PRCC: variants seen among roughly 807,000 people sequenced by gnomAD.
PRCC encodes the protein proline rich mitotic checkpoint control factor.
A neutral mutation model predicts 44.0 loss-of-function variants in PRCC; 10 were observed. The observed-to-expected ratio is 0.23, with a 90% CI of 0.14 to 0.39. The LOEUF (loss-of-function observed/expected upper bound fraction) is 0.39, where lower values mean the gene tolerates loss of function less well. Among genes scored for constraint, PRCC ranks in the 10% least tolerant of loss-of-function variants. PRCC has a pLI of 1.00. For missense variants in PRCC, 573 were observed against 624.7 expected, an observed-to-expected ratio of 0.92 and a Z score of 0.88; for synonymous variants, 278 against 259.5, an observed-to-expected ratio of 1.07 and a Z score of -0.69.
intron 3 of PRCC, chr1:156,790,992 G>A (rs1176056101): frequency 3.8e-6 from 3 of 784,988 alleles, no homozygotes; most frequent in South Asian, 1.4e-5. Flanking sequence ...GGAGGAAACA[G>A]TTTATTGGCC....
At chr1:156,779,339 T>A (rs11264548) in intron 1 of PRCC, among the ~76,000 whole-genome samples, 95,876 of 149,280 alleles carry the variant, frequency 0.64, 31,296 homozygotes, top group East Asian at 0.83. Context: ...ATTTAAAAAA[T>A]TTTAAAATTT....
intron 4 of PRCC, among the ~76,000 whole-genome samples, chr1:156,792,217 C>G (rs1047852175): frequency 6.6e-6 from 1 of 151,762 alleles, no homozygotes; most frequent in Non-Finnish European, 1.5e-5. Context: ...TCTTTCTGAT[C>G]ATCGCTTTGC....
chr1:156,789,040 G>A (rs563728974), intron 3 of PRCC, among the ~76,000 whole-genome samples: 2 of 151,960 alleles, frequency 1.3e-5, no homozygotes, highest in South Asian at 4.2e-4. Flanking sequence ...TGCAATCCCG[G>A]CTCACTGCAA....
chr1:156,784,666 G>C (rs1652171530), intron 2 of PRCC, among the ~76,000 whole-genome samples: 1 of 152,196 alleles, frequency 6.6e-6, no homozygotes, highest in African/African-American at 2.4e-5. Context: ...GAGCAGTTCT[G>C]TGTGGCTTGA....
Position 156,767,933 on chromosome 1 carries a change from C to T in PRCC, c.162C>T (p.Pro54=). Residue 54 remains proline (P), a synonymous_variant, in exon 1 of 7, where the codon CCC becomes CCT. Coordinates refer to ENST00000271526, the MANE Select transcript of PRCC (RefSeq NM_005973.5). ...AGGGTCCGGCCTTGCTGCCTCCGCC[C>T]CCTCAGATGCTGGCGCCAGCCTTTC... ...APKGPALLPP[P]PQMLAPAFPP... The T allele has an allele frequency of 1.9e-6, 3 of 1,593,246 alleles. No homozygotes were observed. Among genetic ancestry groups the T allele is most frequent in the Non-Finnish European group, 2.6e-6 (3 of 1,170,270 alleles).
In PRCC at chr1:156,767,694, C is replaced by T; in HGVS notation, c.-78C>T. On this transcript the variant is annotated 5_prime_UTR_variant, in exon 1 of 7. Transcript: ENST00000271526. ...TTCCCCGCCCCGCCAGGTGGCGGGG[C>T]CTACTAGGCCTCCGGGCATCCCCGG... The T allele has an allele frequency of 7.1e-7, 1 of 1,412,202 alleles. No homozygotes were observed. Among genetic ancestry groups the T allele is most frequent in the South Asian group, 1.5e-5 (1 of 68,524 alleles). The allele number at this position is 1,412,202 out of a possible 1,614,324, so 87.5% of individuals were successfully genotyped here.
intron 1 of PRCC, among the ~76,000 whole-genome samples, chr1:156,777,963 T>C (rs1343122553): frequency 6.6e-6 from 1 of 152,228 alleles, no homozygotes; most frequent in Non-Finnish European, 1.5e-5. Context: ...ATCTATAGGA[T>C]ACAAGATGAT....
chr1:156,791,061 C>T (rs923972198), intron 3 of PRCC: 4 of 1,392,266 alleles, frequency 2.9e-6, no homozygotes, highest in Non-Finnish European at 2.9e-6. Context: ...CCTCCTCTTC[C>T]TCTAGGGTCT....
Position 156,768,020 on chromosome 1 carries a change from G to T in PRCC, c.249G>T (p.Leu83Phe). 6.4e-7 allele frequency: 1 copy of T among 1,569,640 alleles called. No homozygotes were observed. The highest frequency in any genetic ancestry group is 8.6e-7 in the Non-Finnish European group (1 of 1,156,172). ...GDPRLQPPPP[L>F]PFGLGGFPPP... ...CCAGGCTTCAGCCTCCTCCCCCCTT[G>T]CCCTTCGGCCTGGGAGGCTTCCCCC... Residue 83 changes from leucine to phenylalanine, a missense_variant, in exon 1 of 7, where the codon TTG (leucine) becomes TTT (phenylalanine). Coordinates refer to ENST00000271526, the MANE Select transcript of PRCC (RefSeq NM_005973.5).
chr1:156,771,063 A>T lies in PRCC; in HGVS notation c.468+2824A>T, dbSNP rs567074781. Among the ~76,000 whole-genome samples the T allele has an allele frequency of 1.1e-4, 16 of 152,248 alleles. No homozygotes were observed. The South Asian group carries it at 2.1e-3, about 20-fold the overall frequency. ...TAGTGGGCATTAGTCCAGTCTTGGG[A>T]GGTTGGGGAGCCCTCTGGGGGGAGA... On this transcript the variant is annotated intron_variant, in intron 1 of 6. Coordinates refer to ENST00000271526, the MANE Select transcript of PRCC (RefSeq NM_005973.5).
chr1:156,779,521 G>A lies in PRCC; in HGVS notation c.469-2761G>A, dbSNP rs556854965. Among the ~76,000 whole-genome samples, 20 of 63,032 alleles carry A rather than the reference G, an allele frequency of 3.2e-4. No individual in the cohort carries two copies. In the South Asian group the frequency reaches 8.5e-3, roughly 27 times the overall value. The allele number at this position is 63,032 out of a possible 152,430, so 41.4% of individuals were successfully genotyped here. On this transcript the variant is annotated intron_variant, in intron 1 of 6. Transcript: ENST00000271526. ...ACTGGGACTACAGGCAAAGGTGCCC[G>A]CCATCATGCCCAGCTTTTTGTATTT...
chr1:156,786,752 G>T lies in PRCC; in HGVS notation c.661G>T (p.Ala221Ser), dbSNP rs1252126593. Residue 221 changes from alanine to serine, a missense_variant, in exon 3 of 7, where the codon GCT (alanine) becomes TCT (serine). Transcript: ENST00000271526. Reference sequence around the variant, plus strand: ...CCCTGATACTAAGCCCTCCAGACTGGCTTCTAAGACCAAGACTTCCTCTCT... The same window carrying T: ...CCCTGATACTAAGCCCTCCAGACTGTCTTCTAAGACCAAGACTTCCTCTCT... The part of the protein sequence containing the change: ...GSPDTKPSRL[A>S]SKTKTSSLAP... The T allele has an allele frequency of 6.2e-7, 1 of 1,614,032 alleles. No homozygotes were observed. The highest frequency in any genetic ancestry group is 8.5e-7 in the Non-Finnish European group (1 of 1,180,030).
In PRCC at chr1:156,767,776, C is replaced by T. The variant is rs1226752435; in HGVS notation, c.5C>T (p.Ser2Leu). The change falls in exon 1 of 7, where the codon TCG (serine) becomes TTG (leucine). Residue 2 changes from serine to leucine, a missense_variant. Transcript: ENST00000271526. Reference protein sequence around the residue: MSLVAYASSDES... With the variant: MLLVAYASSDES... The stretch of plus-strand genomic sequence containing the variant: ...GCCCGAAACGCGGGAGGCGCCATGT[C>T]GCTGGTTGCTTACGCCAGCAGCGAT... 8 of 1,599,670 alleles carry T rather than the reference C, an allele frequency of 5.0e-6. No homozygotes were observed. Among genetic ancestry groups the T allele is most frequent in the Non-Finnish European group, 6.8e-6 (8 of 1,174,900 alleles).
chr1:156,794,528 G>C (rs1488974941), intron 4 of PRCC, 137 bp from the exon 5 acceptor site: 1 of 1,020,206 alleles, frequency 9.8e-7, no homozygotes, highest in Non-Finnish European at 1.4e-6. Context: ...GTAGATGGCA[G>C]GGTGAAAGGA....
chr1:156,791,288 G>A lies in PRCC; in HGVS notation c.1084-409G>A, dbSNP rs555208235. On this transcript the variant is annotated intron_variant, in intron 3 of 6. Coordinates refer to ENST00000271526, the MANE Select transcript of PRCC (RefSeq NM_005973.5). ...GAATGAGGAGCAGGAATGGCATGAC[G>A]TATACCTTCTCGTCCCTGCTCGCAT... is the stretch of plus-strand genomic sequence containing the variant. 232 of 663,292 alleles carry A rather than the reference G, an allele frequency of 3.5e-4. 2 individuals are homozygous for A. In the South Asian group the frequency reaches 3.6e-3, roughly 10 times the overall value. The allele number at this position is 663,292 out of a possible 1,614,324, so 41.1% of individuals were successfully genotyped here. A position where few individuals can be genotyped will look rare whatever the true frequency, so the allele number is the denominator to read the frequency against.
chr1:156,787,979 A>G (rs1399196730), intron 3 of PRCC, among the ~76,000 whole-genome samples: 2 of 152,102 alleles, frequency 1.3e-5, no homozygotes, highest in African/African-American at 2.4e-5. Flanking sequence ...CTACAGGCAC[A>G]TTCCACCATG....
rs201737748 is a variant in PRCC at position 156,794,736 on chromosome 1, C to T, written c.1251C>T (p.Asp417=). 388 of 1,614,086 alleles carry T rather than the reference C, an allele frequency of 2.4e-4. 4 individuals carry two copies. The highest frequency in any genetic ancestry group is 6.5e-4 in the East Asian group (29 of 44,884). ...EINFVEIKGD[D]QLSGAQQWMT... The stretch of plus-strand genomic sequence containing the variant: ...ACTTTGTGGAGATCAAAGGTGATGA[C>T]CAGCTCAGTGGGGCCCAGCAATGGA... Residue 417 remains aspartate, a synonymous_variant, in exon 5 of 7, where the codon GAC becomes GAT. Transcript: ENST00000271526.
At position 156,768,228 on chromosome 1, in the gene PRCC, C is replaced by G; in HGVS notation, c.457C>G (p.His153Asp). ...EPVKIAAPEL[H>D]KGDSDSEEDE... is the part of the protein sequence containing the mutation. ...CGTGAAGATCGCGGCGCCGGAGTTG[C>G]ATAAGGGAGATGTGAGTATCCGGGG... The change falls in exon 1 of 7, where the codon CAT (histidine) becomes GAT (aspartate). Residue 153 changes from histidine to aspartate, a missense_variant. His to Asp is a moderately conservative substitution (Grantham distance 81, BLOSUM62 -1). This residue lies in a region of PRCC where 118 missense variants were observed against 166.7 expected (regional missense o/e 0.71). Coordinates refer to ENST00000271526, the MANE Select transcript of PRCC (RefSeq NM_005973.5). 1 of 1,539,098 alleles carries G rather than the reference C, an allele frequency of 6.5e-7. No homozygotes were observed. The highest frequency in any genetic ancestry group is 8.7e-7 in the Non-Finnish European group (1 of 1,146,116).
chr1:156,788,577 T>A (rs1652360151), intron 3 of PRCC, among the ~76,000 whole-genome samples: 1 of 152,186 alleles, frequency 6.6e-6, no homozygotes, highest in African/African-American at 2.4e-5. Context: ...ATCTCCAAAC[T>A]ACTTTCCACG....
Sources: gnomAD v4.1 joint callset for allele counts (sites outside exome capture counted in the v4.1 genomes callset) on GRCh38, gnomAD v4.1.1 for gene constraint, gnomAD v4.1.1 regional missense constraint, MANE v1.5 for transcripts, NCBI Gene and HGNC (gene_info 2026-07-23, HGNC 2026-07-21) for gene names.